ARFGEF1: variants seen among roughly 807,000 people sequenced by gnomAD.
ARFGEF1 encodes brefeldin A-inhibited guanine nucleotide-exchange protein 1.
In ARFGEF1, 42 loss-of-function variants were observed where a neutral mutation model predicts 231.0. That is an observed-to-expected ratio of 0.18 (90% CI 0.14 to 0.24). The LOEUF (loss-of-function observed/expected upper bound fraction) is 0.24, where lower values mean the gene tolerates loss of function less well. Among genes scored for constraint, ARFGEF1 ranks in the 10% least tolerant of loss-of-function variants. The probability of loss-of-function intolerance (pLI) is 1.00; values close to 1 mark genes in which losing one functional copy is unlikely to be tolerated. For synonymous variants in ARFGEF1, 710 were observed against 732.3 expected (o/e 0.97, Z 0.49); for missense variants, 1,345 against 2,192.0 (o/e 0.61, Z 7.72).
chr8:67,286,454 T>C (rs1312310423), intron 7 of ARFGEF1, among the ~76,000 whole-genome samples: 1 of 152,328 alleles, frequency 6.6e-6, no homozygotes, highest in Non-Finnish European at 1.5e-5. Flanking sequence ...TTTTAGGCTT[T>C]AGAGGTCGTA....
chr8:67,193,739 G>GT (rs1837079341), downstream of ARFGEF1: 6 of 638,062 alleles, frequency 9.4e-6, no homozygotes, highest in African/African-American at 1.9e-5. Flanking sequence ...CCAAGACATA[G>GT]TAACTATTGA....
At chr8:67,219,602 A>G in intron 29 of ARFGEF1, 42 bp from the exon 30 acceptor site, 1 of 1,544,426 alleles carries the variant, frequency 6.5e-7, no homozygotes, top group South Asian at 1.3e-5. Context: ...AATACAAAAA[A>G]GCATACTTCT....
At chr8:67,271,659 T>C (rs1236011541) in intron 10 of ARFGEF1, 43 bp downstream of exon 10, 2 of 1,352,972 alleles carry the variant, frequency 1.5e-6, no homozygotes, top group Admixed American at 2.0e-5. Flanking sequence ...ATGAAACAAA[T>C]GAAATATCCA....
chr8:67,301,949 G>A (rs568152931), intron 2 of ARFGEF1, among the ~76,000 whole-genome samples: 1 of 152,136 alleles, frequency 6.6e-6, no homozygotes, highest in South Asian at 2.1e-4. Context: ...GCTCATGCCT[G>A]TAATCCCAGC....
At chr8:67,326,067 C>T (rs906710446) in intron 1 of ARFGEF1, among the ~76,000 whole-genome samples, 2 of 152,112 alleles carry the variant, frequency 1.3e-5, no homozygotes, top group East Asian at 3.9e-4. Flanking sequence ...GGCATGGTGG[C>T]ATGCACATGT....
At chr8:67,282,402 T>A (rs2128903791) in intron 7 of ARFGEF1, among the ~76,000 whole-genome samples, 1 of 152,118 alleles carries the variant, frequency 6.6e-6, no homozygotes, top group South Asian at 2.1e-4. Context: ...AGAGCTAAAG[T>A]CAAAAAATAA....
chr8:67,326,666 ATTG>A (rs935555071), intron 1 of ARFGEF1, among the ~76,000 whole-genome samples: 5 of 152,232 alleles, frequency 3.3e-5, no homozygotes, highest in African/African-American at 1.2e-4. Context: ...CTCACTTAAC[ATTG>A]TTGTTCTTGG....
At chr8:67,278,074 T>C (rs1309219468) in intron 7 of ARFGEF1, among the ~76,000 whole-genome samples, 1 of 152,126 alleles carries the variant, frequency 6.6e-6, no homozygotes, top group Non-Finnish European at 1.5e-5. Flanking sequence ...TTGTAATTAA[T>C]ATAAACAGAA....
chr8:67,212,232 A>G (rs1838776815), intron 33 of ARFGEF1, among the ~76,000 whole-genome samples: 1 of 152,074 alleles, frequency 6.6e-6, no homozygotes, highest in Non-Finnish European at 1.5e-5. Flanking sequence ...ATAGGCATGC[A>G]CCACCATGCC....
At chr8:67,268,706 GGTAA>G (rs1411366765) in intron 10 of ARFGEF1, among the ~76,000 whole-genome samples, 1 of 152,092 alleles carries the variant, frequency 6.6e-6, no homozygotes, top group Admixed American at 6.6e-5. Context: ...GCATCCCAGT[GGTAA>G]GTAATTGCGG....
chr8:67,195,643 TA>T (rs1256749857), downstream of ARFGEF1: 1 of 1,507,864 alleles, frequency 6.6e-7, no homozygotes, highest in African/African-American at 1.4e-5. Flanking sequence ...AAAGGAATGG[TA>T]AATCTGTACC....
intron 22 of ARFGEF1, among the ~76,000 whole-genome samples, chr8:67,237,788 T>C (rs1394938741): frequency 6.6e-6 from 1 of 152,068 alleles, no homozygotes; most frequent in Admixed American, 6.5e-5. Context: ...AAGGTCAAAG[T>C]CTAATAAGCT....
At chr8:67,268,578 G>A (rs1312350058) in intron 10 of ARFGEF1, among the ~76,000 whole-genome samples, 1 of 152,088 alleles carries the variant, frequency 6.6e-6, no homozygotes, top group African/African-American at 2.4e-5. Flanking sequence ...GCTGGGTTTT[G>A]GTAGTTGCTA....
chr8:67,212,161 T>C (rs1273285667), intron 33 of ARFGEF1, among the ~76,000 whole-genome samples: 3 of 152,146 alleles, frequency 2.0e-5, no homozygotes, highest in Admixed American at 2.0e-4. Flanking sequence ...CGGCTCACCG[T>C]GACCTCTACC....
Position 67,258,257 on chromosome 8 carries a change from T to C in ARFGEF1, c.2269A>G (p.Lys757Glu). The change falls in exon 16 of 39, where the codon AAA becomes GAA. Residue 757 changes from lysine (K) to glutamate (E), a missense_variant. Lys to Glu is a moderately conservative substitution (Grantham distance 56). This residue lies in a region of ARFGEF1 where 105 missense variants were observed against 159.3 expected (regional missense o/e 0.66). Coordinates refer to ENST00000262215, the MANE Select transcript of ARFGEF1 (RefSeq NM_006421.5). Reference sequence around the variant, plus strand: ...GCATACATGACTTCTTTGTTAAATTTATCATTATCTCCCAGGAACTCACCC... The same window carrying C: ...GCATACATGACTTCTTTGTTAAATTCATCATTATCTCCCAGGAACTCACCC... ...QVGEFLGDND[K>E]FNKEVMYAYV... 6.2e-7 allele frequency: 1 copy of C among 1,607,620 alleles called. No homozygotes were observed. The highest frequency in any genetic ancestry group is 8.5e-7 in the Non-Finnish European group (1 of 1,174,746).
intron 23 of ARFGEF1, among the ~76,000 whole-genome samples, chr8:67,228,943 C>A (rs1839470650): frequency 6.6e-6 from 1 of 151,910 alleles, no homozygotes; most frequent in Admixed American, 6.6e-5. Context: ...GGTTTGCAAC[C>A]AAGAGTTTGA....
intron 1 of ARFGEF1, among the ~76,000 whole-genome samples, chr8:67,332,630 G>A (rs569111951): frequency 2.5e-4 from 38 of 152,290 alleles, no homozygotes; most frequent in African/African-American, 8.9e-4. Context: ...CTGTATTGCT[G>A]TTATTTCTAT....
chr8:67,179,450 G>A (rs1563766806), intron 5 of ARFGEF1, among the ~76,000 whole-genome samples: 2 of 152,174 alleles, frequency 1.3e-5, no homozygotes, highest in Non-Finnish European at 2.9e-5. Context: ...GGCTATACAG[G>A]TTTATGGAAA....
At chr8:67,299,726 A>G (rs930805926) in intron 3 of ARFGEF1, among the ~76,000 whole-genome samples, 9 of 152,072 alleles carry the variant, frequency 5.9e-5, no homozygotes, top group African/African-American at 1.4e-4. Context: ...TGCCTCCCAC[A>G]TTGTCAGTCC....
Sources: allele counts gnomAD v4.1 joint callset (sites outside exome capture counted in the v4.1 genomes callset), GRCh38; gene constraint gnomAD v4.1.1; regional missense constraint gnomAD v4.1.1; transcripts MANE v1.5; gene names NCBI Gene and HGNC (gene_info 2026-07-23, HGNC 2026-07-21).